Variants in SMC5 observed in about 807,000 individuals in gnomAD.
The protein encoded by SMC5 is structural maintenance of chromosomes 5.
A neutral mutation model predicts 148.3 loss-of-function variants in SMC5; 88 were observed. The ratio of observed to expected loss-of-function variants is 0.59; its 90% CI spans 0.50 to 0.71. The LOEUF (loss-of-function observed/expected upper bound fraction) is 0.71. SMC5 is among the 30% of genes least tolerant of loss of function. The probability of loss-of-function intolerance (pLI) is 0.00; values close to 1 mark genes in which losing one functional copy is unlikely to be tolerated. For missense variants in SMC5, 1,142 were observed against 1,298.9 expected (o/e 0.88, Z 1.86); for synonymous variants, 421 against 432.8 (o/e 0.97, Z 0.34).
chr9:70,315,686 T>G, intron 13 of SMC5, 108 bp downstream of exon 13: 7 of 868,778 alleles, frequency 8.1e-6, no homozygotes, highest in Non-Finnish European at 1.1e-5. Context: ...GTAAGTCTGT[T>G]GTTTTTAACC....
At chr9:70,292,633 G>A (rs1205994927) in intron 8 of SMC5, among the ~76,000 whole-genome samples, 1 of 151,960 alleles carries the variant, frequency 6.6e-6, no homozygotes, top group Non-Finnish European at 1.5e-5. Flanking sequence ...AATAATAGCA[G>A]GTTTTTAAAA....
intron 17 of SMC5, among the ~76,000 whole-genome samples, chr9:70,341,548 C>T (rs1022413943): frequency 6.6e-6 from 1 of 152,142 alleles, no homozygotes; most frequent in African/African-American, 2.4e-5. Flanking sequence ...AACTATAGTA[C>T]TAAGTGGTTA....
At chr9:70,326,909 T>A (rs538071919) in intron 17 of SMC5, among the ~76,000 whole-genome samples, 41 of 152,254 alleles carry the variant, frequency 2.7e-4, no homozygotes, top group African/African-American at 9.6e-4. Context: ...ATCATAATGT[T>A]AATATTTGTA....
intron 3 of SMC5, among the ~76,000 whole-genome samples, 198 bp downstream of exon 3, chr9:70,268,173 G>A (rs942765065): frequency 3.3e-5 from 5 of 152,304 alleles, no homozygotes; most frequent in Non-Finnish European, 7.3e-5. Context: ...GGCTAGCCAT[G>A]GTGGCTCATG....
At chr9:70,347,262 C>G in intron 20 of SMC5, 101 bp downstream of exon 20, 2 of 840,292 alleles carry the variant, frequency 2.4e-6, no homozygotes, top group Non-Finnish European at 3.8e-6. Context: ...ACTTGCCTCC[C>G]ACTCTGTACT....
intron 17 of SMC5, among the ~76,000 whole-genome samples, chr9:70,332,087 T>C (rs2036232928): frequency 6.6e-6 from 1 of 152,166 alleles, no homozygotes; most frequent in African/African-American, 2.4e-5. Flanking sequence ...AACACTAAAC[T>C]ACCAAAGGTC....
intron 11 of SMC5, among the ~76,000 whole-genome samples, chr9:70,305,990 A>G (rs774791277): frequency 6.6e-6 from 1 of 152,324 alleles, no homozygotes; most frequent in Non-Finnish European, 1.5e-5. Context: ...ACTTCAAAAG[A>G]TGGTTGTAAG....
At chr9:70,329,306 T>C (rs2118699452) in intron 17 of SMC5, among the ~76,000 whole-genome samples, 1 of 152,336 alleles carries the variant, frequency 6.6e-6, no homozygotes, top group East Asian at 1.9e-4. Flanking sequence ...GCTTTCCTTT[T>C]AAAGTTCTAG....
At chr9:70,294,496 C>T (rs996135507) in intron 8 of SMC5, among the ~76,000 whole-genome samples, 3 of 152,030 alleles carry the variant, frequency 2.0e-5, no homozygotes, top group East Asian at 1.9e-4. Context: ...GTGGTTATAG[C>T]GCTGCATTGT....
At chr9:70,312,498 C>T (rs1267324191) in intron 11 of SMC5, among the ~76,000 whole-genome samples, 3 of 152,160 alleles carry the variant, frequency 2.0e-5, no homozygotes, top group East Asian at 3.8e-4. Flanking sequence ...ATTGGACACC[C>T]TTACTTGTTT....
intron 8 of SMC5, among the ~76,000 whole-genome samples, chr9:70,290,511 A>G (rs1392364735): frequency 6.6e-6 from 1 of 152,236 alleles, no homozygotes; most frequent in Non-Finnish European, 1.5e-5. Flanking sequence ...TATATTGGAT[A>G]GGAAGAAAAA....
chr9:70,308,380 C>T (rs989744941), intron 11 of SMC5, among the ~76,000 whole-genome samples: 2 of 151,540 alleles, frequency 1.3e-5, no homozygotes, highest in African/African-American at 4.9e-5. Flanking sequence ...CTGAGGGGGG[C>T]GGATCACGAG....
intron 19 of SMC5, 148 bp from the exon 20 acceptor site, chr9:70,346,918 A>T (rs999828280): frequency 5.7e-6 from 4 of 707,508 alleles, no homozygotes; most frequent in African/African-American, 1.8e-5. Flanking sequence ...TTGAAGGCAA[A>T]TGACCCTGTT....
chr9:70,345,153 A>C (rs1313458680), intron 18 of SMC5, among the ~76,000 whole-genome samples: 2 of 142,062 alleles, frequency 1.4e-5, no homozygotes, highest in Non-Finnish European at 3.1e-5. Context: ...TGTTGTTATA[A>C]AATAAATATA....
intron 11 of SMC5, chr9:70,311,613 C>T (rs987855486): frequency 1.3e-5 from 2 of 151,574 alleles, no homozygotes; most frequent in Non-Finnish European, 2.9e-5. Context: ...TGTTTTTAAA[C>T]CAGTCAAATT....
Position 70,350,139 on chromosome 9 carries a change from G to T in SMC5, c.2915G>T (p.Arg972Leu). Reference protein sequence around the residue: ...NEEDYDKYGIRIRVKFRSSTQ... With the variant: ...NEEDYDKYGILIRVKFRSSTQ... ...GAAGATTATGATAAATATGGAATTC[G>T]AATTAGAGTCAAATTTCGAAGTAGT... Residue 972 changes from arginine to leucine, a missense_variant, in exon 23 of 25, where the codon CGA becomes CTA. Around this residue, in one of 5 missense-constraint regions of SMC5, gnomAD observed 743 missense variants for 835.7 expected, o/e 0.89. Transcript: ENST00000361138. 6.2e-7 allele frequency: 1 copy of T among 1,607,264 alleles called. No individual in the cohort carries two copies. The highest frequency in any genetic ancestry group is 8.5e-7 in the Non-Finnish European group (1 of 1,177,512).
intron 10 of SMC5, among the ~76,000 whole-genome samples, chr9:70,302,470 C>CTAGACTGCTACAATCCA (rs2035383553): frequency 6.7e-6 from 1 of 149,822 alleles, no homozygotes; most frequent in Non-Finnish European, 1.5e-5. Flanking sequence ...TCCAGCCTGG[C>CTAGACTGCTACAATCCA]GACAGAGCTA....
intron 24 of SMC5, 68 bp from the exon 25 acceptor site, chr9:70,352,123 C>T (rs2036819533): frequency 2.3e-6 from 3 of 1,325,688 alleles, no homozygotes; most frequent in Admixed American, 2.3e-5. Context: ...TGACTGTACA[C>T]ATGTAAGGTT....
At chr9:70,313,769 C>T (rs1295670806) in intron 11 of SMC5, among the ~76,000 whole-genome samples, 2 of 151,958 alleles carry the variant, frequency 1.3e-5, no homozygotes, top group African/African-American at 2.4e-5. Flanking sequence ...CAAAGTGCTG[C>T]GATTACAGGT....
Sources: allele counts gnomAD v4.1 joint callset (sites outside exome capture counted in the v4.1 genomes callset), GRCh38; gene constraint gnomAD v4.1.1; regional missense constraint gnomAD v4.1.1; transcripts MANE v1.5; gene names NCBI Gene and HGNC (gene_info 2026-07-23, HGNC 2026-07-21).